The following CCDC7 variants were observed in gnomAD, a reference collection of about 807,000 sequenced individuals.
CCDC7 encodes coiled-coil domain containing 7, also known as coiled-coil domain-containing protein 7.
A neutral mutation model predicts 196.9 loss-of-function variants in CCDC7; 183 were observed. That is an observed-to-expected ratio of 0.93 (90% CI 0.82 to 1.05). The LOEUF is 1.05. CCDC7 is among the 50% of genes least tolerant of loss of function. CCDC7 has a pLI of 0.00. For synonymous variants in CCDC7, 525 were observed against 484.6 expected (o/e 1.08, Z -1.10); for missense variants, 1,540 against 1,482.2 (o/e 1.04, Z -0.64).
chr10:32,574,295 GTTAA>G (rs1322937743), intron 16 of CCDC7: 8 of 496,428 alleles, frequency 1.6e-5, no homozygotes, highest in Non-Finnish European at 2.2e-5. Context: ...ATAGCTTTAG[GTTAA>G]TTATTATATA....
downstream of CCDC7, among the ~76,000 whole-genome samples, chr10:32,878,174 C>T (rs1044047558): frequency 3.3e-5 from 5 of 151,936 alleles, no homozygotes; most frequent in Non-Finnish European, 4.4e-5. Flanking sequence ...CTCTTGGGCT[C>T]TTTATATGTG....
At chr10:32,604,486 T>C (rs955163512) in intron 18 of CCDC7, among the ~76,000 whole-genome samples, 2 of 152,164 alleles carry the variant, frequency 1.3e-5, no homozygotes, top group African/African-American at 4.8e-5. Flanking sequence ...TTGATAGTGA[T>C]TGCATTGAAA....
chr10:32,772,414 G>T (rs1186031233), intron 28 of CCDC7, among the ~76,000 whole-genome samples: 1 of 152,166 alleles, frequency 6.6e-6, no homozygotes, highest in Non-Finnish European at 1.5e-5. Flanking sequence ...CAGGGAAATA[G>T]CAACCATGGC....
chr10:32,564,077 A>C (rs1472415255), intron 13 of CCDC7, among the ~76,000 whole-genome samples: 1 of 152,126 alleles, frequency 6.6e-6, no homozygotes, highest in Non-Finnish European at 1.5e-5. Context: ...CCATCAGAGA[A>C]ATGCAAATCA....
At chr10:32,739,301 A>G (rs1427473939) in intron 28 of CCDC7, among the ~76,000 whole-genome samples, 7 of 151,752 alleles carry the variant, frequency 4.6e-5, no homozygotes, top group Admixed American at 4.6e-4. Context: ...TTTCCCAAAG[A>G]TCTCGGTATT....
At chr10:32,819,062 C>T (rs946096509) in intron 31 of CCDC7, among the ~76,000 whole-genome samples, 7 of 151,984 alleles carry the variant, frequency 4.6e-5, no homozygotes, top group Non-Finnish European at 8.8e-5. Context: ...ATTGATAGAC[C>T]ACTAGCAAGA....
upstream of CCDC7, among the ~76,000 whole-genome samples, chr10:32,447,188 G>A (rs934768809): frequency 4.0e-5 from 6 of 151,802 alleles, no homozygotes; most frequent in Non-Finnish European, 7.4e-5. Context: ...TATTTACCTC[G>A]ATCATTCTAC....
At chr10:32,654,102 T>A (rs1416973982) in intron 20 of CCDC7, among the ~76,000 whole-genome samples, 1 of 152,206 alleles carries the variant, frequency 6.6e-6, no homozygotes, top group Non-Finnish European at 1.5e-5. Flanking sequence ...AAATAGTCCT[T>A]TGATTCCATC....
downstream of CCDC7, among the ~76,000 whole-genome samples, chr10:32,879,020 T>TTAG (rs2094690915): frequency 1.3e-5 from 2 of 152,250 alleles, no homozygotes; most frequent in South Asian, 4.1e-4. Context: ...GCAAGGGGCC[T>TTAG]TCTAGTACAC....
At chr10:32,639,607 A>G (rs1266328613) in intron 20 of CCDC7, among the ~76,000 whole-genome samples, 2 of 148,070 alleles carry the variant, frequency 1.4e-5, no homozygotes, top group Non-Finnish European at 3.0e-5. Flanking sequence ...TCTGAGAGAC[A>G]GTTTGTTATA....
chr10:32,500,084 G>A (rs922725179), intron 9 of CCDC7, among the ~76,000 whole-genome samples: 15 of 152,210 alleles, frequency 9.9e-5, no homozygotes, highest in Admixed American at 7.2e-4. Context: ...AACCGCCACT[G>A]TCATCATGGC....
intron 29 of CCDC7, among the ~76,000 whole-genome samples, chr10:32,803,988 T>C (rs999044244): frequency 2.6e-5 from 4 of 152,172 alleles, no homozygotes; most frequent in African/African-American, 9.6e-5. Context: ...TAATCACTAC[T>C]TTCTAATATA....
upstream of CCDC7, among the ~76,000 whole-genome samples, chr10:32,448,582 G>A (rs1162676859): frequency 6.6e-6 from 1 of 151,742 alleles, no homozygotes; most frequent in Non-Finnish European, 1.5e-5. Context: ...CTCTAAAATA[G>A]TATGTTATAC....
upstream of CCDC7, among the ~76,000 whole-genome samples, chr10:32,451,228 G>C (rs747295658): frequency 1.9e-4 from 29 of 152,224 alleles, no homozygotes; most frequent in Middle Eastern, 3.4e-3. Flanking sequence ...CTTACTAGCT[G>C]TGTGACTCTT....
At chr10:32,766,226 T>C (rs974400992) in intron 28 of CCDC7, among the ~76,000 whole-genome samples, 2 of 151,976 alleles carry the variant, frequency 1.3e-5, no homozygotes, top group Non-Finnish European at 2.9e-5. Context: ...TAAGGAAAAA[T>C]TGTTGCATCT....
chr10:32,718,159 G>A (rs183896243), intron 25 of CCDC7, among the ~76,000 whole-genome samples: 36 of 152,224 alleles, frequency 2.4e-4, no homozygotes, highest in Admixed American at 2.3e-3. Flanking sequence ...ACAGAATCCA[G>A]CTGCACGTTA....
At chr10:32,602,688 T>C (rs2061182380) in intron 18 of CCDC7, among the ~76,000 whole-genome samples, 1 of 152,208 alleles carries the variant, frequency 6.6e-6, no homozygotes, top group Non-Finnish European at 1.5e-5. Context: ...TCTTAAACTC[T>C]CTTTACCTCA....
At chr10:32,462,571 ATACT>A (rs1396818219) in intron 3 of CCDC7, 108 bp from the exon 5 acceptor site, 37 of 856,390 alleles carry the variant, frequency 4.3e-5, no homozygotes, top group South Asian at 1.2e-4. Context: ...TTATATTTTA[ATACT>A]TAGTACATTT....
At chr10:32,759,481 C>T (rs1254122968) in intron 28 of CCDC7, among the ~76,000 whole-genome samples, 2 of 152,018 alleles carry the variant, frequency 1.3e-5, no homozygotes, top group Non-Finnish European at 2.9e-5. Flanking sequence ...CTGAGAAAAA[C>T]AAGAAATGGG....
Sources: allele counts gnomAD v4.1 joint callset (sites outside exome capture counted in the v4.1 genomes callset), GRCh38; gene constraint gnomAD v4.1.1; transcripts MANE v1.5; gene names NCBI Gene and HGNC (gene_info 2026-07-23, HGNC 2026-07-21).